Variants in LSR observed in about 807,000 individuals in gnomAD.
The protein encoded by LSR is lipolysis stimulated lipoprotein receptor.
A neutral mutation model predicts 61.8 loss-of-function variants in LSR; 44 were observed. The ratio of observed to expected loss-of-function variants is 0.71; its 90% CI spans 0.56 to 0.91. The LOEUF (loss-of-function observed/expected upper bound fraction) is 0.91, where lower values mean the gene tolerates loss of function less well. Among genes scored for constraint, LSR ranks in the 40% least tolerant of loss-of-function variants. The pLI is 0.00. For synonymous variants in LSR, 397 were observed against 350.6 expected (o/e 1.13, Z -1.48); for missense variants, 911 against 830.5 (o/e 1.10, Z -1.19).
At chr19:35,261,864 G>A in intron 3 of LSR, 61 bp from the exon 4 acceptor site, 1 of 1,225,442 alleles carries the variant, frequency 8.2e-7, no homozygotes, top group Non-Finnish European at 1.1e-6. Context: ...TGGGCTTTCG[G>A]GGGTGGCACA....
chr19:35,267,039 C>T, intron 8 of LSR, 70 bp from the exon 9 acceptor site: 1 of 1,556,126 alleles, frequency 6.4e-7, no homozygotes, highest in Non-Finnish European at 8.7e-7. Flanking sequence ...ATACCTGCCG[C>T]AGGGACTCTT....
At position 35,267,846 on chromosome 19, in the gene LSR, G is replaced by A. The variant is rs755783347; in HGVS notation, c.1793G>A (p.Ser598Asn). ...CAGAACTTGGCCCTGAGTCGGGAAA[G>A]TTTAGTCGTCTGATCTGACGTTTTC... ...LKKNLALSRE[S>N]LVV Residue 598 changes from serine to asparagine, a missense_variant, in exon 10 of 10, where the codon AGT becomes AAT. Transcript: ENST00000605618. 4 of 1,613,894 alleles carry A rather than the reference G, an allele frequency of 2.5e-6. No homozygotes were observed. Among genetic ancestry groups the A allele is most frequent in the Admixed American group, 1.7e-5 (1 of 60,016 alleles).
rs891263713 is a variant in LSR at position 35,259,030 on chromosome 19, G to A, written c.540G>A (p.Gly180=). 6 of 1,613,946 alleles carry A rather than the reference G, an allele frequency of 3.7e-6. No individual in the cohort carries two copies. In the African/African-American group the frequency reaches 8.0e-5, roughly 22 times the overall value. The part of the protein sequence containing the change: ...CSVVSAQDLQ[G]NNEAYAELIV... ...TGGTCTCAGCCCAGGACCTCCAGGG[G>A]AACAATGAGGCCTACGCAGAGCTCA... is the stretch of plus-strand genomic sequence containing the variant. The change falls in exon 3 of 10, where the codon GGG becomes GGA. Residue 180 remains glycine, a synonymous_variant. Transcript: ENST00000605618.
At chr19:35,264,585 C>T (rs901101606) in intron 5 of LSR, 1 of 152,206 alleles carries the variant, frequency 6.6e-6, no homozygotes, top group Non-Finnish European at 1.5e-5. Context: ...AGGAGGGTGT[C>T]TGGGTAGACC....
In LSR at chr19:35,266,689, A is replaced by AG; in HGVS notation, c.965dup (p.Ser323LeufsTer16). 4.4e-6 allele frequency: 7 copies of AG among 1,608,924 alleles called. No individual in the cohort carries two copies. The highest frequency in any genetic ancestry group is 5.9e-6 in the Non-Finnish European group (7 of 1,177,998). Reference sequence around the variant, plus strand: ...GCCACTCTCCCCCAGCTGGTGGCCAAGGCTCCTATGTACCCCTGCTTCGGG... The same window carrying AG: ...GCCACTCTCCCCCAGCTGGTGGCCAAGGGCTCCTATGTACCCCTGCTTCGGG... On this transcript the variant is annotated frameshift_variant, in exon 7 of 10. Transcript: ENST00000605618. LOFTEE classifies it high-confidence loss of function.
Position 35,267,941 on chromosome 19 carries a change from G to A in LSR, c.*82G>A, listed in dbSNP as rs2066052147. ...TGAAGCCCTGCCATACCCCTCCCGA[G>A]TCTAATAAAACGTATAATCACAAGC... On this transcript the variant is annotated 3_prime_UTR_variant, in exon 10 of 10. Transcript: ENST00000605618. 1.1e-5 allele frequency: 17 copies of A among 1,500,902 alleles called. No homozygotes were observed. The South Asian group carries it at 1.8e-4, about 16-fold the overall frequency. 93.0% of individuals were successfully genotyped at this position (1,500,902 alleles called of 1,614,324 possible). A position where few individuals can be genotyped will look rare whatever the true frequency, so the allele number is the denominator to read the frequency against.
At position 35,267,498 on chromosome 19, in the gene LSR, C is replaced by T; in HGVS notation, c.1534C>T (p.Pro512Ser). ...HYDDFRSRER[P>S]PADPRSHHHR... The stretch of plus-strand genomic sequence containing the variant: ...CGACGACTTCAGGTCTCGGGAGCGC[C>T]CTCCTGCCGACCCCAGGTCCCACCA... The change falls in exon 9 of 10, where the codon CCT becomes TCT. Residue 512 changes from proline (P) to serine (S), a missense_variant. Physicochemically the swap from Pro to Ser is moderately conservative, Grantham distance 74. Coordinates refer to ENST00000605618, the MANE Select transcript of LSR (RefSeq NM_205834.4). 1.2e-6 allele frequency: 2 copies of T among 1,611,318 alleles called. No individual in the cohort carries two copies. Among genetic ancestry groups the T allele is most frequent in the Admixed American group, 1.7e-5 (1 of 59,886 alleles).
Position 35,266,894 on chromosome 19 carries a change from G to C in LSR, c.1071G>C (p.Leu357=). 6.2e-7 allele frequency: 1 copy of C among 1,613,598 alleles called. No homozygotes were observed. The highest frequency in any genetic ancestry group is 8.5e-7 in the Non-Finnish European group (1 of 1,179,778). The part of the protein sequence containing the change: ...ASQQDDSMRV[L]YYMEKELANF... Reference sequence around the variant, plus strand: ...AGCAGGACGACTCCATGCGGGTCCTGTACTACATGGAGAAGGAGCTGGCCA... The same window carrying C: ...AGCAGGACGACTCCATGCGGGTCCTCTACTACATGGAGAAGGAGCTGGCCA... Residue 357 remains leucine, a synonymous_variant, in exon 8 of 10, where the codon CTG becomes CTC. Coordinates refer to ENST00000605618, the MANE Select transcript of LSR (RefSeq NM_205834.4).
At position 35,267,398 on chromosome 19, in the gene LSR, G is replaced by T. The variant is rs1465490851; in HGVS notation, c.1434G>T (p.Pro478=). The change falls in exon 9 of 10, where the codon CCG becomes CCT. Residue 478 remains proline, a synonymous_variant. Transcript: ENST00000605618. Reference sequence around the variant, plus strand: ...GGAGAAGCCGGGCCTACATGCCCCCGCGGAGCCGCAGCCGGGACGACCTCT... The same window carrying T: ...GGAGAAGCCGGGCCTACATGCCCCCTCGGAGCCGCAGCCGGGACGACCTCT... ...NGGRSRAYMP[P]RSRSRDDLYD... The T allele has an allele frequency of 1.5e-5, 24 of 1,607,262 alleles. No individual in the cohort carries two copies. Among genetic ancestry groups the T allele is most frequent in the Non-Finnish European group, 2.0e-5 (24 of 1,177,658 alleles).
intron 5 of LSR, chr19:35,264,323 T>A (rs534556522): frequency 6.6e-6 from 1 of 152,098 alleles, no homozygotes; most frequent in Admixed American, 6.5e-5. Context: ...GGGACCTAAC[T>A]CTATGAGAGG....
At chr19:35,256,843 T>C (rs2065863335) in intron 2 of LSR, among the ~76,000 whole-genome samples, 1 of 151,962 alleles carries the variant, frequency 6.6e-6, no homozygotes, top group South Asian at 2.1e-4. Flanking sequence ...TCCTTTTTTT[T>C]CTTTTTTTTT....
Position 35,250,505 on chromosome 19 carries a change from G to T in LSR, c.300G>T (p.Gln100His). Reference protein sequence around the residue: ...DAFSPASVDNQLNAQLAAGNP... With the variant: ...DAFSPASVDNHLNAQLAAGNP... ...TCTCCCCGGCCAGCGTCGACAACCA[G>T]CTCAATGCCCAGCTGGCAGCCGGGA... Residue 100 changes from glutamine (Q) to histidine (H), a missense_variant, in exon 2 of 10, where the codon CAG becomes CAT. Physicochemically the swap from Gln to His is conservative, Grantham distance 24. Transcript: ENST00000605618. 6.2e-7 allele frequency: 1 copy of T among 1,614,150 alleles called. No homozygotes were observed. The highest frequency in any genetic ancestry group is 8.5e-7 in the Non-Finnish European group (1 of 1,180,034).
In LSR at chr19:35,259,474, T is replaced by C. The variant is rs1012227070; in HGVS notation, c.574+410T>C. On this transcript the variant is annotated intron_variant, in intron 3 of 9. Coordinates refer to ENST00000605618, the MANE Select transcript of LSR (RefSeq NM_205834.4). ...GGCCAACGTGGCAAAATCCCGTCTC[T>C]ATAAAAAATATAAAAGCCAGGCGTG... The C allele has an allele frequency of 4.8e-5, 8 of 167,406 alleles. 1 individual carries two copies. Among genetic ancestry groups the C allele is most frequent in the Admixed American group, 4.5e-4 (8 of 17,874 alleles). The allele number at this position is 167,406 out of a possible 1,614,324, so 10.4% of individuals were successfully genotyped here. A position where few individuals can be genotyped will look rare whatever the true frequency, so the allele number is the denominator to read the frequency against.
chr19:35,267,200 G>A lies in LSR; in HGVS notation c.1236G>A (p.Trp412Ter). The A allele has an allele frequency of 6.6e-7, 1 of 1,522,950 alleles. No individual in the cohort carries two copies. The highest frequency in any genetic ancestry group is 8.8e-7 in the Non-Finnish European group (1 of 1,138,528). 94.3% of individuals were successfully genotyped at this position (1,522,950 alleles called of 1,614,324 possible). A position where few individuals can be genotyped will look rare whatever the true frequency, so the allele number is the denominator to read the frequency against. ...PALTPIRDEE[W>*]GGHSPRSPRG... ...TCACCCCGATCCGGGATGAGGAGTG[G>A]GGTGGCCACTCCCCCCGGAGTCCCA... Residue 412 changes from tryptophan (W) to a stop codon, truncating the protein, a stop_gained, in exon 9 of 10, where the codon TGG (tryptophan) becomes TGA (stop). Coordinates refer to ENST00000605618, the MANE Select transcript of LSR (RefSeq NM_205834.4). LOFTEE classifies it high-confidence loss of function.
chr19:35,261,799 A>T (rs1421719346), intron 3 of LSR, 126 bp from the exon 4 acceptor site: 3 of 554,022 alleles, frequency 5.4e-6, no homozygotes, highest in Non-Finnish European at 9.2e-6. Flanking sequence ...CTAGGGCTTC[A>T]GCCCCCAGCC....
chr19:35,252,392 T>G (rs1197902125), intron 2 of LSR, among the ~76,000 whole-genome samples: 3 of 151,898 alleles, frequency 2.0e-5, no homozygotes, highest in African/African-American at 7.3e-5. Flanking sequence ...CTCACGTCTG[T>G]AATCTCAGCA....
At position 35,249,008 on chromosome 19, in the gene LSR, G is replaced by C. The variant is rs367748265; in HGVS notation, c.-15G>C. On this transcript the variant is annotated 5_prime_UTR_variant, in exon 1 of 10. Coordinates refer to ENST00000605618, the MANE Select transcript of LSR (RefSeq NM_205834.4). ...TGGAAGGGACGCGCGGGCCAGACGC[G>C]CCCAGACGGCCGCGATGGCGCTGTT... 2.5e-6 allele frequency: 4 copies of C among 1,608,926 alleles called. No individual in the cohort carries two copies. Among genetic ancestry groups the C allele is most frequent in the Admixed American group, 1.7e-5 (1 of 59,214 alleles).
chr19:35,259,900 C>A (rs1384227710), intron 3 of LSR, among the ~76,000 whole-genome samples: 1 of 152,252 alleles, frequency 6.6e-6, no homozygotes, highest in Non-Finnish European at 1.5e-5. Context: ...GCTGGGAGGC[C>A]TCCTTGTGTT....
rs372427319 is a variant in LSR at position 35,259,331 on chromosome 19, C to A, written c.574+267C>A. ...TGGAGACTCTGCCTTTTCAAAGTCT[C>A]ATTTTTAAAAAAAATCCAGACTTGG... On this transcript the variant is annotated intron_variant, in intron 3 of 9. Coordinates refer to ENST00000605618, the MANE Select transcript of LSR (RefSeq NM_205834.4). The A allele has an allele frequency of 1.8e-3, 555 of 308,924 alleles. 3 individuals carry two copies. Among genetic ancestry groups the A allele is most frequent in the African/African-American group, 0.011 (486 of 45,152 alleles). 19.1% of individuals were successfully genotyped at this position (308,924 alleles called of 1,614,324 possible). A position where few individuals can be genotyped will look rare whatever the true frequency, so the allele number is the denominator to read the frequency against.
Sources: allele counts gnomAD v4.1 joint callset (sites outside exome capture counted in the v4.1 genomes callset), GRCh38; gene constraint gnomAD v4.1.1; transcripts MANE v1.5; gene names NCBI Gene and HGNC (gene_info 2026-07-23, HGNC 2026-07-21).